ZNF575: variants seen among roughly 807,000 people sequenced by gnomAD.
ZNF575 encodes the protein zinc finger protein 575.
A neutral mutation model predicts 17.5 loss-of-function variants in ZNF575; 17 were observed. The ratio of observed to expected loss-of-function variants is 0.97; its 90% CI spans 0.66 to 1.45. ZNF575 has a LOEUF of 1.45. ZNF575 is among the 40% of genes most tolerant of loss of function. The pLI is 0.00. For missense variants in ZNF575, 352 were observed against 359.2 expected, an observed-to-expected ratio of 0.98 and a Z score of 0.16; for synonymous variants, 146 against 158.3, an observed-to-expected ratio of 0.92 and a Z score of 0.58.
Position 43,535,744 on chromosome 19 carries a change from G to A in ZNF575, c.*57G>A. 1 of 1,504,974 alleles carries A rather than the reference G, an allele frequency of 6.6e-7. No homozygotes were observed. The highest frequency in any genetic ancestry group is 2.1e-5 in the Admixed American group (1 of 46,996). 93.2% of individuals were successfully genotyped at this position (1,504,974 alleles called of 1,614,324 possible). A position where few individuals can be genotyped will look rare whatever the true frequency, so the allele number is the denominator to read the frequency against. On this transcript the variant is annotated 3_prime_UTR_variant, in exon 4 of 4. Transcript: ENST00000314228. Reference sequence around the variant, plus strand: ...GCCAGCCCTAGCCAGTAAGAGGTGGGATTTCTAAGACCGACTGTATGAGCT... The same window carrying A: ...GCCAGCCCTAGCCAGTAAGAGGTGGAATTTCTAAGACCGACTGTATGAGCT...
Position 43,535,662 on chromosome 19 carries a change from T to A in ZNF575, c.713T>A (p.Val238Glu), listed in dbSNP as rs763342413. 1 of 1,612,196 alleles carries A rather than the reference T, an allele frequency of 6.2e-7. No individual in the cohort carries two copies. Reference sequence around the variant, plus strand: ...CTTCATCAACGCAGCCACCACCAGGTGGAGCACAAGGGGGAGAGAGACTGA... The same window carrying A: ...CTTCATCAACGCAGCCACCACCAGGAGGAGCACAAGGGGGAGAGAGACTGA... ...LLLHQRSHHQ[V>E]EHKGERD Residue 238 changes from valine to glutamate, a missense_variant, in exon 4 of 4, where the codon GTG becomes GAG. Val to Glu is a moderately radical substitution (Grantham distance 121, BLOSUM62 -2). Coordinates refer to ENST00000314228, the MANE Select transcript of ZNF575 (RefSeq NM_174945.3).
chr19:43,533,337 G>A lies in ZNF575; in HGVS notation c.-379G>A, dbSNP rs1256586278. 1 of 152,340 alleles carries A rather than the reference G, an allele frequency of 6.6e-6. No individual in the cohort carries two copies. The highest frequency in any genetic ancestry group is 1.5e-5 in the Non-Finnish European group (1 of 68,132). 9.4% of individuals were successfully genotyped at this position (152,340 alleles called of 1,614,324 possible). Reference sequence around the variant, plus strand: ...TGGTCCAGCGTGGGAGGAGGGGATGGAAATGAGGTTGGGCTAAGCAGCTTG... The same window carrying A: ...TGGTCCAGCGTGGGAGGAGGGGATGAAAATGAGGTTGGGCTAAGCAGCTTG... On this transcript the variant is annotated 5_prime_UTR_variant, in exon 1 of 4. Transcript: ENST00000314228.
upstream of ZNF575, among the ~76,000 whole-genome samples, chr19:43,531,053 C>T (rs141728361): frequency 4.9e-3 from 735 of 149,426 alleles, 4 homozygotes; most frequent in African/African-American, 0.016. Flanking sequence ...CCGAAGTGGG[C>T]GGATCACCTG....
At position 43,536,073 on chromosome 19, in the gene ZNF575, A is replaced by C; in HGVS notation, c.*386A>C. 8.7e-6 allele frequency: 2 copies of C among 228,728 alleles called. No homozygotes were observed. The highest frequency in any genetic ancestry group is 1.7e-5 in the Non-Finnish European group (2 of 115,346). The allele number at this position is 228,728 out of a possible 1,614,324, so 14.2% of individuals were successfully genotyped here. Reference sequence around the variant, plus strand: ...GGTATCTAAGAAATTGAAAATACATACATGCTTGTCTCAACTCTTCCACTT... The same window carrying C: ...GGTATCTAAGAAATTGAAAATACATCCATGCTTGTCTCAACTCTTCCACTT... On this transcript the variant is annotated 3_prime_UTR_variant, in exon 4 of 4. Coordinates refer to ENST00000314228, the MANE Select transcript of ZNF575 (RefSeq NM_174945.3).
upstream of ZNF575, chr19:43,531,709 T>C (rs1335964220): frequency 6.1e-6 from 3 of 493,412 alleles, no homozygotes; most frequent in African/African-American, 4.0e-5. Context: ...ATGTTTGACA[T>C]TTAGCTTCAG....
chr19:43,535,823 T>A lies in ZNF575; in HGVS notation c.*136T>A. On this transcript the variant is annotated 3_prime_UTR_variant, in exon 4 of 4. Transcript: ENST00000314228. ...AGGGCAAGGGATTGGCCATTTATAC[T>A]GGGCTCGAGCTCAGAAGCCCGAGGA... 9.7e-7 allele frequency: 1 copy of A among 1,029,208 alleles called. No homozygotes were observed. Among genetic ancestry groups the A allele is most frequent in the Non-Finnish European group, 1.4e-6 (1 of 727,078 alleles). The allele number at this position is 1,029,208 out of a possible 1,614,324, so 63.8% of individuals were successfully genotyped here.
At chr19:43,531,171 A>G (rs1814780377), upstream of ZNF575, among the ~76,000 whole-genome samples, 1 of 151,694 alleles carries the variant, frequency 6.6e-6, no homozygotes, top group Non-Finnish European at 1.5e-5. Context: ...GGCACCTGTA[A>G]TCCCAGCTAC....
At position 43,535,103 on chromosome 19, in the gene ZNF575, C is replaced by T. The variant is rs1972395139; in HGVS notation, c.154C>T (p.Arg52Trp). The T allele has an allele frequency of 2.0e-6, 3 of 1,513,448 alleles. No homozygotes were observed. Among genetic ancestry groups the T allele is most frequent in the Non-Finnish European group, 1.8e-6 (2 of 1,136,318 alleles). The allele number at this position is 1,513,448 out of a possible 1,614,324, so 93.8% of individuals were successfully genotyped here. ...GPTASAGSPPRPRRRPPPQRP... is the reference protein window; with the variant it reads ...GPTASAGSPPWPRRRPPPQRP... Reference sequence around the variant, plus strand: ...CACCGCGTCCGCGGGCTCGCCTCCCCGGCCTCGCCGGCGGCCCCCGCCCCA... The same window carrying T: ...CACCGCGTCCGCGGGCTCGCCTCCCTGGCCTCGCCGGCGGCCCCCGCCCCA... The change falls in exon 4 of 4, where the codon CGG becomes TGG. Residue 52 changes from arginine (R) to tryptophan (W), a missense_variant. Transcript: ENST00000314228.
At chr19:43,531,426 A>G (rs1285483343), upstream of ZNF575, among the ~76,000 whole-genome samples, 1 of 152,192 alleles carries the variant, frequency 6.6e-6, no homozygotes, top group Non-Finnish European at 1.5e-5. Flanking sequence ...TACTAAAAAT[A>G]CAAAAATTAG....
At position 43,535,589 on chromosome 19, in the gene ZNF575, C is replaced by T. The variant is rs1357478976; in HGVS notation, c.640C>T (p.Arg214Ter). The T allele has an allele frequency of 1.9e-6, 3 of 1,613,876 alleles. No individual in the cohort carries two copies. Among genetic ancestry groups the T allele is most frequent in the East Asian group, 4.5e-5 (2 of 44,884 alleles). Residue 214 changes from arginine (R) to a stop codon, truncating the protein, a stop_gained, in exon 4 of 4, where the codon CGA becomes TGA. Transcript: ENST00000314228. LOFTEE classifies it high-confidence loss of function. ...APGSQATAWH[R>*]CSSCGQAFGQ... ...CGGCAGCCAGGCGACTGCCTGGCAC[C>T]GATGCTCCAGCTGCGGCCAGGCCTT...
chr19:43,531,677 A>G, upstream of ZNF575: 1 of 457,820 alleles, frequency 2.2e-6, no homozygotes, highest in Non-Finnish European at 3.9e-6. Context: ...CAAGTGTAAT[A>G]AAAAGATATT....
intron 2 of ZNF575, 85 bp from the exon 3 acceptor site, chr19:43,534,252 C>G (rs1054132040): frequency 1.6e-6 from 1 of 617,780 alleles, no homozygotes; most frequent in Non-Finnish European, 2.8e-6. Context: ...TGCTCTTAGG[C>G]TCCGCCTCCC....
chr19:43,534,488 A>G lies in ZNF575; in HGVS notation c.66A>G (p.Pro22=). The part of the protein sequence containing the change: ...ATDPSPTGKE[P]VTKEAPHQGP... ...ATCCTAGTCCCACTGGCAAGGAACC[A>G]GTGACCAAAGAAGGTGAGAGTGCCC... is the stretch of plus-strand genomic sequence containing the variant. The change falls in exon 3 of 4, where the codon CCA becomes CCG. Residue 22 remains proline (P), a synonymous_variant. Coordinates refer to ENST00000314228, the MANE Select transcript of ZNF575 (RefSeq NM_174945.3). The G allele has an allele frequency of 1.4e-6, 2 of 1,471,040 alleles. No homozygotes were observed. The highest frequency in any genetic ancestry group is 1.8e-6 in the Non-Finnish European group (2 of 1,109,300). The allele number at this position is 1,471,040 out of a possible 1,614,324, so 91.1% of individuals were successfully genotyped here.
Position 43,533,322 on chromosome 19 carries a change from T to A in ZNF575, c.-394T>A, listed in dbSNP as rs1253303534. On this transcript the variant is annotated 5_prime_UTR_variant, in exon 1 of 4. Coordinates refer to ENST00000314228, the MANE Select transcript of ZNF575 (RefSeq NM_174945.3). ...TTCTGACGCCCCCTTTGGTCCAGCGTGGGAGGAGGGGATGGAAATGAGGTT... is the reference window on the plus strand; with the variant it reads ...TTCTGACGCCCCCTTTGGTCCAGCGAGGGAGGAGGGGATGGAAATGAGGTT... 6.6e-6 allele frequency: 1 copy of A among 151,996 alleles called. No individual in the cohort carries two copies. Among genetic ancestry groups the A allele is most frequent in the African/African-American group, 2.4e-5 (1 of 41,374 alleles). The allele number at this position is 151,996 out of a possible 1,614,324, so 9.4% of individuals were successfully genotyped here.
At chr19:43,534,295 C>T (rs1485543752) in intron 2 of ZNF575, 42 bp from the exon 3 acceptor site, 1 of 873,698 alleles carries the variant, frequency 1.1e-6, no homozygotes, top group Non-Finnish European at 1.8e-6. Flanking sequence ...GCATCCCATA[C>T]TTGCAGACCT....
chr19:43,534,486 C>T lies in ZNF575; in HGVS notation c.64C>T (p.Pro22Ser). 1 of 1,472,438 alleles carries T rather than the reference C, an allele frequency of 6.8e-7. No homozygotes were observed. Among genetic ancestry groups the T allele is most frequent in the Non-Finnish European group, 9.0e-7 (1 of 1,110,072 alleles). The allele number at this position is 1,472,438 out of a possible 1,614,324, so 91.2% of individuals were successfully genotyped here. Reference sequence around the variant, plus strand: ...CGATCCTAGTCCCACTGGCAAGGAACCAGTGACCAAAGAAGGTGAGAGTGC... The same window carrying T: ...CGATCCTAGTCCCACTGGCAAGGAATCAGTGACCAAAGAAGGTGAGAGTGC... ...ATDPSPTGKE[P>S]VTKEAPHQGP... The change falls in exon 3 of 4, where the codon CCA becomes TCA. Residue 22 changes from proline (P) to serine (S), a missense_variant. Coordinates refer to ENST00000314228, the MANE Select transcript of ZNF575 (RefSeq NM_174945.3).
chr19:43,533,582 C>T (rs1972372657), intron 1 of ZNF575, 61 bp downstream of exon 1: 1 of 152,294 alleles, frequency 6.6e-6, no homozygotes, highest in South Asian at 2.1e-4. Context: ...AGAATCACCC[C>T]GAGGGAGATC....
In ZNF575 at chr19:43,535,851, T is replaced by C; in HGVS notation, c.*164T>C. On this transcript the variant is annotated 3_prime_UTR_variant, in exon 4 of 4. Coordinates refer to ENST00000314228, the MANE Select transcript of ZNF575 (RefSeq NM_174945.3). ...GCTCGAGCTCAGAAGCCCGAGGAAC[T>C]CTTTGCTCCCCTGCTTTGGGGAGAT... The C allele has an allele frequency of 1.3e-6, 1 of 766,880 alleles. No homozygotes were observed. The highest frequency in any genetic ancestry group is 1.9e-5 in the South Asian group (1 of 53,402). 47.5% of individuals were successfully genotyped at this position (766,880 alleles called of 1,614,324 possible).
rs1972414233 is a variant in ZNF575, at chr19:43,535,859, C to T, written c.*172C>T. On this transcript the variant is annotated 3_prime_UTR_variant, in exon 4 of 4. Transcript: ENST00000314228. ...TCAGAAGCCCGAGGAACTCTTTGCT[C>T]CCCTGCTTTGGGGAGATCTCAAACC... 1 of 732,540 alleles carries T rather than the reference C, an allele frequency of 1.4e-6. No homozygotes were observed. The highest frequency in any genetic ancestry group is 1.9e-5 in the South Asian group (1 of 52,694). 45.4% of individuals were successfully genotyped at this position (732,540 alleles called of 1,614,324 possible).
Sources: allele counts gnomAD v4.1 joint callset (sites outside exome capture counted in the v4.1 genomes callset), GRCh38; gene constraint gnomAD v4.1.1; transcripts MANE v1.5; gene names NCBI Gene and HGNC (gene_info 2026-07-23, HGNC 2026-07-21).